TRAM1: variants seen among roughly 807,000 people sequenced by gnomAD.
The protein encoded by TRAM1 is translocation associated membrane protein 1, also known as translocating chain-associated membrane protein 1.
In TRAM1, 17 loss-of-function variants were observed where a neutral mutation model predicts 48.7. That is an observed-to-expected ratio of 0.35 (90% confidence interval 0.24 to 0.52). The LOEUF (loss-of-function observed/expected upper bound fraction) is 0.52, where lower values mean the gene tolerates loss of function less well. Ranked by LOEUF, TRAM1 falls within the 20% of genes least tolerant of loss-of-function variation. The pLI is 0.94. For missense variants in TRAM1, 351 were observed against 441.5 expected, an observed-to-expected ratio of 0.79 and a Z score of 1.84; for synonymous variants, 182 against 154.0, an observed-to-expected ratio of 1.18 and a Z score of -1.34.
At chr8:70,605,488 CCT>C (rs577509935) in intron 1 of TRAM1, among the ~76,000 whole-genome samples, 138 of 152,120 alleles carry the variant, frequency 9.1e-4, no homozygotes, top group Non-Finnish European at 1.6e-3. Context: ...CACCATAAAT[CCT>C]CTGACATTTC....
At chr8:70,594,698 T>C (rs1472399925) in intron 5 of TRAM1, 108 bp from the exon 6 acceptor site, 11 of 805,130 alleles carry the variant, frequency 1.4e-5, no homozygotes, top group Non-Finnish European at 2.1e-5. Flanking sequence ...CTTTGTGTCA[T>C]CATTCCATAC....
chr8:70,588,579 C>T (rs775952101), intron 6 of TRAM1, among the ~76,000 whole-genome samples: 15 of 151,754 alleles, frequency 9.9e-5, no homozygotes, highest in African/African-American at 3.1e-4. Context: ...CAGAGCCAGA[C>T]GCTGTCTCAA....
At chr8:70,605,357 C>T (rs572567076) in intron 1 of TRAM1, among the ~76,000 whole-genome samples, 1 of 152,246 alleles carries the variant, frequency 6.6e-6, no homozygotes, top group East Asian at 1.9e-4. Context: ...GCTGCAGAGC[C>T]CTAACTTGAA....
chr8:70,585,324 T>C (rs1038973292), intron 8 of TRAM1, among the ~76,000 whole-genome samples: 2 of 151,996 alleles, frequency 1.3e-5, no homozygotes, highest in African/African-American at 2.4e-5. Context: ...ATAAAAACCC[T>C]AGAAGAAAAC....
chr8:70,576,826 C>T (rs1324086724), intron 10 of TRAM1, among the ~76,000 whole-genome samples: 1 of 152,164 alleles, frequency 6.6e-6, no homozygotes, highest in Admixed American at 6.5e-5. Flanking sequence ...GTGGCAGCCA[C>T]CCAGCTGTAG....
At position 70,586,888 on chromosome 8, in the gene TRAM1, A is replaced by C; in HGVS notation, c.746+7T>G. 2 of 1,610,058 alleles carry C rather than the reference A, an allele frequency of 1.2e-6. No homozygotes were observed. Among genetic ancestry groups the C allele is most frequent in the South Asian group, 1.1e-5 (1 of 90,948 alleles). ...TACACGAGAAATAGAATGGCTAAAC[A>C]ACTTACCCTTTCTGATACTTTTCAT... On this transcript the variant is annotated splice_region_variant and intron_variant, in intron 8 of 10. Transcript: ENST00000262213.
chr8:70,608,234 C>T lies in TRAM1; in HGVS notation c.-35G>A, dbSNP rs778604952. On this transcript the variant is annotated 5_prime_UTR_variant, in exon 1 of 11. Transcript: ENST00000262213. ...GCCGCCCGCGCCTGCAGGTGCTCCG[C>T]CCCGGTTCTGCTCTTCCCAGCTGCT... 2.8e-5 allele frequency: 44 copies of T among 1,567,646 alleles called. No homozygotes were observed. Among genetic ancestry groups the T allele is most frequent in the East Asian group, 2.8e-4 (11 of 39,768 alleles).
intron 8 of TRAM1, among the ~76,000 whole-genome samples, chr8:70,584,495 C>T (rs1283569707): frequency 2.0e-5 from 3 of 152,172 alleles, no homozygotes; most frequent in East Asian, 1.9e-4. Context: ...GTCTAATTGT[C>T]CCTGTTTGCC....
At chr8:70,577,942 GC>G (rs1816994130) in intron 10 of TRAM1, among the ~76,000 whole-genome samples, 1 of 152,248 alleles carries the variant, frequency 6.6e-6, no homozygotes. Context: ...GCCTAGAGCT[GC>G]CTGCCCCGTG....
At chr8:70,599,079 G>GCCT (rs1817550230) in intron 2 of TRAM1, among the ~76,000 whole-genome samples, 1 of 152,082 alleles carries the variant, frequency 6.6e-6, no homozygotes, top group Non-Finnish European at 1.5e-5. Context: ...GTAGTATAGT[G>GCCT]AGACTCCATC....
chr8:70,588,884 C>G (rs914835766), intron 6 of TRAM1, among the ~76,000 whole-genome samples: 1 of 152,222 alleles, frequency 6.6e-6, no homozygotes, highest in African/African-American at 2.4e-5. Context: ...TCATGTTCTA[C>G]AGCTACTAAT....
rs1156824886 is a variant in TRAM1 at position 70,573,312 on chromosome 8, T to C, written c.*1620A>G. On this transcript the variant is annotated 3_prime_UTR_variant, in exon 11 of 11. Coordinates refer to ENST00000262213, the MANE Select transcript of TRAM1 (RefSeq NM_014294.6). ...TATTCTGTGGAACAAATCTGTTTAT[T>C]TGCAGAACACAATTTTGAAAAGGGT... The C allele has an allele frequency of 2.6e-5, 4 of 152,278 alleles. No individual in the cohort carries two copies. Among genetic ancestry groups the C allele is most frequent in the African/African-American group, 4.8e-5 (2 of 41,450 alleles). The allele number at this position is 152,278 out of a possible 1,614,324, so 9.4% of individuals were successfully genotyped here. A position where few individuals can be genotyped will look rare whatever the true frequency, so the allele number is the denominator to read the frequency against.
At position 70,608,328 on chromosome 8, in the gene TRAM1, A is replaced by G; in HGVS notation, c.-129T>C. On this transcript the variant is annotated 5_prime_UTR_variant, in exon 1 of 11. Transcript: ENST00000262213. ...CGCTGCAGCCGCTCGCTGGGGCTTCACTTCCCATCCCACAGCCAGTACGCA... is the reference window on the plus strand; with the variant it reads ...CGCTGCAGCCGCTCGCTGGGGCTTCGCTTCCCATCCCACAGCCAGTACGCA... 8.0e-7 allele frequency: 1 copy of G among 1,250,746 alleles called. No individual in the cohort carries two copies. Among genetic ancestry groups the G allele is most frequent in the Non-Finnish European group, 1.1e-6 (1 of 948,310 alleles). 77.5% of individuals were successfully genotyped at this position (1,250,746 alleles called of 1,614,324 possible).
chr8:70,592,695 T>C (rs1817393355), intron 6 of TRAM1, among the ~76,000 whole-genome samples: 1 of 152,210 alleles, frequency 6.6e-6, no homozygotes, highest in African/African-American at 2.4e-5. Context: ...CAGAGGTATT[T>C]GTTCATGAGT....
chr8:70,602,299 C>T (rs945037606), intron 1 of TRAM1, among the ~76,000 whole-genome samples: 5 of 152,074 alleles, frequency 3.3e-5, no homozygotes, highest in African/African-American at 1.2e-4. Context: ...AGGTGGTATC[C>T]AGTAGATGCC....
chr8:70,586,137 A>C (rs1287504212), intron 8 of TRAM1, among the ~76,000 whole-genome samples: 1 of 151,840 alleles, frequency 6.6e-6, no homozygotes, highest in African/African-American at 2.4e-5. Context: ...CATGGATGAA[A>C]CTGGAAACCA....
At chr8:70,596,120 C>T (rs773472798) in intron 5 of TRAM1, 143 bp downstream of exon 5, 17 of 521,042 alleles carry the variant, frequency 3.3e-5, no homozygotes, top group East Asian at 1.6e-4. Context: ...TTTTTTCTTA[C>T]GGCAGTGGGA....
rs571117783 is a variant in TRAM1, at chr8:70,594,926, T to C, written c.486-336A>G. On this transcript the variant is annotated intron_variant, in intron 5 of 10. Coordinates refer to ENST00000262213, the MANE Select transcript of TRAM1 (RefSeq NM_014294.6). ...TTAGCTACTGAAAACATAACCCACATGTCTATACAGTTTCATCAAGACAAG... is the reference window on the plus strand; with the variant it reads ...TTAGCTACTGAAAACATAACCCACACGTCTATACAGTTTCATCAAGACAAG... Among the ~76,000 whole-genome samples the C allele has an allele frequency of 3.3e-5, 5 of 152,232 alleles. No individual in the cohort carries two copies. The South Asian group carries it at 6.2e-4, about 19-fold the overall frequency.
At chr8:70,605,536 C>A (rs1189314174) in intron 1 of TRAM1, among the ~76,000 whole-genome samples, 1 of 150,270 alleles carries the variant, frequency 6.7e-6, no homozygotes, top group East Asian at 1.9e-4. Context: ...AACAGTTCTG[C>A]AAAAAAAAAT....
Sources: gnomAD v4.1 joint callset for allele counts (sites outside exome capture counted in the v4.1 genomes callset) on GRCh38, gnomAD v4.1.1 for gene constraint, MANE v1.5 for transcripts, NCBI Gene and HGNC (gene_info 2026-07-23, HGNC 2026-07-21) for gene names.